ARFIP1: variants seen among roughly 807,000 people sequenced by gnomAD.
ARFIP1 encodes the protein arfaptin-1.
ARFIP1 carries 24 observed loss-of-function variants against 42.5 expected under a neutral mutation model. The observed-to-expected ratio is 0.57, with a 90% CI of 0.41 to 0.80. The LOEUF (loss-of-function observed/expected upper bound fraction) is 0.80, where lower values mean the gene tolerates loss of function less well. Among genes scored for constraint, ARFIP1 ranks in the 30% least tolerant of loss-of-function variants. The probability of loss-of-function intolerance (pLI) is 0.00; values close to 1 mark genes in which losing one functional copy is unlikely to be tolerated. For missense variants in ARFIP1, 354 were observed against 434.0 expected (o/e 0.82, Z 1.64); for synonymous variants, 141 against 153.7 (o/e 0.92, Z 0.61).
At chr4:152,836,305 A>G (rs1201811515) in intron 2 of ARFIP1, among the ~76,000 whole-genome samples, 2 of 152,250 alleles carry the variant, frequency 1.3e-5, no homozygotes, top group Non-Finnish European at 2.9e-5. Flanking sequence ...AATAAAAATG[A>G]TAACTGTGAA....
intron 2 of ARFIP1, among the ~76,000 whole-genome samples, chr4:152,837,239 T>C (rs1490488795): frequency 6.6e-6 from 1 of 151,936 alleles, no homozygotes; most frequent in African/African-American, 2.4e-5. Flanking sequence ...ACTATAAACA[T>C]GTGTGTGCAA....
intron 1 of ARFIP1, among the ~76,000 whole-genome samples, chr4:152,798,520 A>G (rs1170235102): frequency 6.6e-6 from 1 of 152,194 alleles, no homozygotes; most frequent in Non-Finnish European, 1.5e-5. Flanking sequence ...CCTTAGATTT[A>G]TGAATACGGT....
intron 8 of ARFIP1, among the ~76,000 whole-genome samples, chr4:152,909,509 G>A (rs1738667329): frequency 6.6e-6 from 1 of 152,156 alleles, no homozygotes; most frequent in African/African-American, 2.4e-5. Flanking sequence ...ATATACTCTT[G>A]ATATCAGCAG....
chr4:152,795,820 A>T (rs1456118588), intron 1 of ARFIP1, among the ~76,000 whole-genome samples: 24 of 28,066 alleles, frequency 8.6e-4, no homozygotes, highest in South Asian at 1.7e-3. Flanking sequence ...GGCCCTTGTA[A>T]TTTTTTTTTT....
At chr4:152,819,221 C>T (rs1730155311) in intron 1 of ARFIP1, among the ~76,000 whole-genome samples, 2 of 152,158 alleles carry the variant, frequency 1.3e-5, no homozygotes, top group Admixed American at 1.3e-4. Flanking sequence ...AGCCCCGTTA[C>T]AGCATCTGCA....
At chr4:152,816,026 G>T (rs1212693482) in intron 1 of ARFIP1, among the ~76,000 whole-genome samples, 3 of 152,062 alleles carry the variant, frequency 2.0e-5, no homozygotes, top group Non-Finnish European at 4.4e-5. Flanking sequence ...TTACAGGCGT[G>T]AGCCACCGCG....
chr4:152,902,611 G>A (rs968325779), intron 8 of ARFIP1, among the ~76,000 whole-genome samples: 1 of 152,178 alleles, frequency 6.6e-6, no homozygotes, highest in African/African-American at 2.4e-5. Context: ...GTATAACAAA[G>A]CATAGTCTAC....
intron 2 of ARFIP1, among the ~76,000 whole-genome samples, chr4:152,857,102 A>G (rs1454913358): frequency 6.6e-6 from 1 of 152,210 alleles, no homozygotes; most frequent in Non-Finnish European, 1.5e-5. Context: ...GAGTGTAAGG[A>G]ATGTTTTCTT....
intron 8 of ARFIP1, among the ~76,000 whole-genome samples, chr4:152,904,198 A>ATATATATATATT (rs36085096): frequency 8.7e-5 from 11 of 126,686 alleles, no homozygotes; most frequent in African/African-American, 2.9e-4. Context: ...ATATATATAT[A>ATATATATATATT]TTTTTTTTTT....
At chr4:152,898,234 G>A (rs1374495375) in intron 8 of ARFIP1, among the ~76,000 whole-genome samples, 9 of 151,764 alleles carry the variant, frequency 5.9e-5, no homozygotes, top group African/African-American at 1.5e-4. Flanking sequence ...CACCCGCCTC[G>A]CCCTCCCAAA....
intron 2 of ARFIP1, among the ~76,000 whole-genome samples, chr4:152,860,563 T>C (rs150715802): frequency 6.6e-6 from 1 of 152,312 alleles, no homozygotes; most frequent in Non-Finnish European, 1.5e-5. Flanking sequence ...ATAAATACTT[T>C]ACACACTGAA....
intron 1 of ARFIP1, among the ~76,000 whole-genome samples, chr4:152,824,948 A>G (rs1278852351): frequency 1.3e-5 from 2 of 151,904 alleles, no homozygotes; most frequent in Non-Finnish European, 2.9e-5. Context: ...CAATTGATAT[A>G]TATATACACA....
intron 1 of ARFIP1, among the ~76,000 whole-genome samples, chr4:152,790,248 C>A (rs965607325): frequency 6.6e-6 from 1 of 152,084 alleles, no homozygotes; most frequent in African/African-American, 2.4e-5. Flanking sequence ...AGTAACTCTC[C>A]AATTATCCAT....
intron 3 of ARFIP1, among the ~76,000 whole-genome samples, chr4:152,868,544 C>T (rs1223953556): frequency 6.6e-6 from 1 of 152,124 alleles, no homozygotes; most frequent in African/African-American, 2.4e-5. Flanking sequence ...CCAGTTACAG[C>T]CACACTACAT....
chr4:152,793,509 CTG>C (rs1031042564), intron 1 of ARFIP1, among the ~76,000 whole-genome samples: 10 of 151,900 alleles, frequency 6.6e-5, no homozygotes, highest in African/African-American at 2.2e-4. Context: ...ATACCTGAAA[CTG>C]TGGATAGTCC....
At chr4:152,896,863 C>T (rs191942810) in intron 8 of ARFIP1, among the ~76,000 whole-genome samples, 16 of 151,952 alleles carry the variant, frequency 1.1e-4, no homozygotes, top group Middle Eastern at 3.4e-3. Flanking sequence ...TAATTTTCCT[C>T]TTAGCTCAAA....
intron 8 of ARFIP1, among the ~76,000 whole-genome samples, chr4:152,899,657 A>G (rs930726168): frequency 1.3e-5 from 2 of 152,170 alleles, no homozygotes; most frequent in Admixed American, 6.5e-5. Flanking sequence ...TTCTCCAGTT[A>G]AAGCACATAA....
In ARFIP1 at chr4:152,829,722, A is replaced by G. The variant is rs199986353; in HGVS notation, c.89A>G (p.Asn30Ser). 1.6e-5 allele frequency: 26 copies of G among 1,601,448 alleles called. No individual in the cohort carries two copies. The highest frequency in any genetic ancestry group is 4.5e-5 in the East Asian group (2 of 44,706). ...EVDDSREHSF[N>S]RDLKHSLPSG... is the part of the protein sequence containing the mutation. ...GATGACTCTCGTGAACATAGCTTTAATAGGGTAAGAACACTTTTCTTTCTC... is the reference window on the plus strand; with the variant it reads ...GATGACTCTCGTGAACATAGCTTTAGTAGGGTAAGAACACTTTTCTTTCTC... Residue 30 changes from asparagine (N) to serine (S), a missense_variant, in exon 2 of 9, where the codon AAT (asparagine) becomes AGT (serine). Coordinates refer to ENST00000353617, the MANE Select transcript of ARFIP1 (RefSeq NM_001025595.3).
intron 1 of ARFIP1, among the ~76,000 whole-genome samples, chr4:152,784,167 G>A (rs1561092760): frequency 6.6e-6 from 1 of 152,150 alleles, no homozygotes; most frequent in Non-Finnish European, 1.5e-5. Flanking sequence ...ACTTAATATG[G>A]AAGTTGATGA....
Sources: allele counts gnomAD v4.1 joint callset (sites outside exome capture counted in the v4.1 genomes callset), GRCh38; gene constraint gnomAD v4.1.1; transcripts MANE v1.5; gene names NCBI Gene and HGNC (gene_info 2026-07-23, HGNC 2026-07-21).